The following TEDC1 variants were observed in gnomAD, a reference collection of about 807,000 sequenced individuals.
TEDC1 encodes the protein tubulin epsilon and delta complex 1.
Under a neutral mutation model 59.9 loss-of-function variants are expected in TEDC1, and 54 were observed. The ratio of observed to expected loss-of-function variants is 0.90; its 90% CI spans 0.72 to 1.13. The LOEUF is 1.13. Ranked by LOEUF, TEDC1 falls within the 50% of genes most tolerant of loss-of-function variation. The probability of loss-of-function intolerance (pLI) is 0.00; values close to 1 mark genes in which losing one functional copy is unlikely to be tolerated. For missense variants in TEDC1, 734 were observed against 683.4 expected, an observed-to-expected ratio of 1.07 and a Z score of -0.83; for synonymous variants, 353 against 298.1, an observed-to-expected ratio of 1.18 and a Z score of -1.90.
rs781890565 is a variant in TEDC1, at chr14:105,492,299, CTG to C, written c.424_425del (p.Cys142ProfsTer3). The C allele has an allele frequency of 1.9e-6, 3 of 1,604,358 alleles. No homozygotes were observed. Among genetic ancestry groups the C allele is most frequent in the African/African-American group, 2.7e-5 (2 of 75,010 alleles). On this transcript the variant is annotated frameshift_variant, in exon 3 of 9. Transcript: ENST00000392523. LOFTEE classifies it high-confidence loss of function. ...CGAGTGCCTCTGGGTGACGAGATGA[CTG>C]TGTGCCAGGTGCGTGTGGGTGAGGG... is the stretch of plus-strand genomic sequence containing the variant.
chr14:105,494,531 C>G (rs190500424), intron 5 of TEDC1: 3 of 154,384 alleles, frequency 1.9e-5, no homozygotes, highest in African/African-American at 7.2e-5. Flanking sequence ...TCTAGGCAGG[C>G]CTGCCCCCGG....
In TEDC1 at chr14:105,497,457, C is replaced by A. The variant is rs368327217; in HGVS notation, c.978+14C>A. ...TGGCGGTGGATGGTGAGGAAGCCCG[C>A]GCATCCCTCTCCCGGCATCCCTTCC... On this transcript the variant is annotated intron_variant, in intron 7 of 8. Coordinates refer to ENST00000392523, the MANE Select transcript of TEDC1 (RefSeq NM_001367178.1). The A allele has an allele frequency of 5.2e-6, 8 of 1,542,284 alleles. No homozygotes were observed. In the African/African-American group the frequency reaches 5.5e-5, roughly 11 times the overall value.
chr14:105,496,407 T>C (rs1555440459), intron 6 of TEDC1: 1 of 337,512 alleles, frequency 3.0e-6, no homozygotes, highest in African/African-American at 2.1e-5. Flanking sequence ...GCCTCTGCTC[T>C]GCTCCGCCCC....
chr14:105,496,191 A>C (rs2084342172), intron 6 of TEDC1, 105 bp downstream of exon 6: 5 of 1,096,818 alleles, frequency 4.6e-6, no homozygotes, highest in Non-Finnish European at 3.8e-6. Flanking sequence ...GCCTGCTCCC[A>C]CCCCTGGCCC....
At chr14:105,498,028 T>C in intron 8 of TEDC1, 51 bp downstream of exon 8, 1 of 1,450,374 alleles carries the variant, frequency 6.9e-7, no homozygotes, top group Non-Finnish European at 9.1e-7. Flanking sequence ...CTTCGGGGGA[T>C]GGCTGACCTG....
At chr14:105,491,909 C>T (rs1555439473) in intron 2 of TEDC1, among the ~76,000 whole-genome samples, 198 bp from the exon 3 acceptor site, 1 of 152,252 alleles carries the variant, frequency 6.6e-6, no homozygotes, top group Non-Finnish European at 1.5e-5. Flanking sequence ...CTGGCTTCTG[C>T]TCCTACAAAG....
Position 105,491,685 on chromosome 14 carries a change from G to T in TEDC1, c.211G>T (p.Ala71Ser). ...LSPLPAGNAL[A>S]SLALEVQARL... ...GCCACTCCCTGCGGGCAACGCCTTGGCATCGCTCGCCCTGGGTAAGCCCCG... is the reference window on the plus strand; with the variant it reads ...GCCACTCCCTGCGGGCAACGCCTTGTCATCGCTCGCCCTGGGTAAGCCCCG... The change falls in exon 2 of 9, where the codon GCA (alanine) becomes TCA (serine). Residue 71 changes from alanine (A) to serine (S), a missense_variant. Physicochemically the swap from Ala to Ser is moderately conservative, Grantham distance 99. Coordinates refer to ENST00000392523, the MANE Select transcript of TEDC1 (RefSeq NM_001367178.1). The T allele has an allele frequency of 6.5e-7, 1 of 1,549,058 alleles. No homozygotes were observed. Among genetic ancestry groups the T allele is most frequent in the South Asian group, 1.2e-5 (1 of 84,058 alleles).
intron 2 of TEDC1, among the ~76,000 whole-genome samples, 156 bp from the exon 3 acceptor site, chr14:105,491,951 C>G (rs1555439483): frequency 6.6e-6 from 1 of 152,262 alleles, no homozygotes; most frequent in African/African-American, 2.4e-5. Context: ...CCCCTGGTCT[C>G]CTCATCCTGG....
At chr14:105,491,991 C>T (rs1455850904) in intron 2 of TEDC1, 116 bp from the exon 3 acceptor site, 7 of 1,129,742 alleles carry the variant, frequency 6.2e-6, no homozygotes, top group East Asian at 5.2e-5. Context: ...ACTATCATCT[C>T]TTCTGAACTA....
At chr14:105,495,633 G>T (rs2084326814) in intron 5 of TEDC1, 1 of 502,434 alleles carries the variant, frequency 2.0e-6, no homozygotes, top group Non-Finnish European at 3.5e-6. Context: ...CGGGCGTCCT[G>T]GTCTGCCCTT....
upstream of TEDC1, chr14:105,491,135 C>T: frequency 1.3e-6 from 2 of 1,551,026 alleles, no homozygotes; most frequent in Non-Finnish European, 8.7e-7. Context: ...GGGTACAGGT[C>T]TCGGGAGCGC....
chr14:105,492,771 T>C (rs1254402215), intron 4 of TEDC1, 37 bp downstream of exon 4: 33 of 1,530,868 alleles, frequency 2.2e-5, no homozygotes, highest in Middle Eastern at 1.9e-4. Flanking sequence ...AGGGGCTGTG[T>C]CCCGTGCTGC....
In TEDC1 at chr14:105,497,810, G is replaced by T. The variant is rs782380367; in HGVS notation, c.991G>T (p.Gly331Cys). The T allele has an allele frequency of 6.4e-6, 10 of 1,567,130 alleles. No homozygotes were observed. Among genetic ancestry groups the T allele is most frequent in the East Asian group, 2.3e-5 (1 of 43,092 alleles). Residue 331 changes from glycine (G) to cysteine (C), a missense_variant, in exon 8 of 9, where the codon GGC becomes TGC. Coordinates refer to ENST00000392523, the MANE Select transcript of TEDC1 (RefSeq NM_001367178.1). The part of the protein sequence containing the change: ...VFWRWMDTVL[G>C]TCAPEVPAAA... ...TGGGTCTCTGTAGGACACGGTCCTG[G>T]GCACCTGTGCCCCGGAGGTGCCTGC...
rs2084381725 is a variant in TEDC1 at position 105,497,819 on chromosome 14, G to A, written c.1000G>A (p.Ala334Thr). The A allele has an allele frequency of 6.4e-7, 1 of 1,571,298 alleles. No homozygotes were observed. The highest frequency in any genetic ancestry group is 1.2e-5 in the South Asian group (1 of 85,174). Residue 334 changes from alanine to threonine, a missense_variant, in exon 8 of 9, where the codon GCC becomes ACC. By Grantham distance (58) the Ala-to-Thr change is moderately conservative (BLOSUM62 0). Coordinates refer to ENST00000392523, the MANE Select transcript of TEDC1 (RefSeq NM_001367178.1). ...GTAGGACACGGTCCTGGGCACCTGT[G>A]CCCCGGAGGTGCCTGCTGCAGCCTC... ...RWMDTVLGTC[A>T]PEVPAAASQP... is the part of the protein sequence containing the mutation.
chr14:105,495,002 C>T (rs1334702867), intron 5 of TEDC1: 2 of 152,310 alleles, frequency 1.3e-5, no homozygotes, highest in African/African-American at 2.4e-5. Flanking sequence ...TCCTGAGTAG[C>T]TGGGACTACA....
chr14:105,491,205 G>A, upstream of TEDC1: 6 of 1,546,206 alleles, frequency 3.9e-6, no homozygotes, highest in South Asian at 1.2e-5. Flanking sequence ...AGCCGGCGCG[G>A]TGATTGGGCG....
intron 3 of TEDC1, 47 bp from the exon 4 acceptor site, chr14:105,492,529 TGGG>T: frequency 6.6e-7 from 1 of 1,509,652 alleles, no homozygotes; most frequent in East Asian, 2.5e-5. Flanking sequence ...TGGCCTTTTC[TGGG>T]GGGCAGGGTG....
At position 105,491,792 on chromosome 14, in the gene TEDC1, A is replaced by G. The variant is rs1340718181; in HGVS notation, c.226+92A>G. 54 of 1,317,742 alleles carry G rather than the reference A, an allele frequency of 4.1e-5. No individual in the cohort carries two copies. The African/African-American group carries it at 7.0e-4, about 17-fold the overall frequency. 81.6% of individuals were successfully genotyped at this position (1,317,742 alleles called of 1,614,324 possible). A position where few individuals can be genotyped will look rare whatever the true frequency, so the allele number is the denominator to read the frequency against. On this transcript the variant is annotated intron_variant, in intron 2 of 8. Coordinates refer to ENST00000392523, the MANE Select transcript of TEDC1 (RefSeq NM_001367178.1). ...CTTCCCCAGTAAGCCCCGCCCCGGC[A>G]GGCTCTAGCCCCCACCCAACACTGA... is the stretch of plus-strand genomic sequence containing the variant.
intron 2 of TEDC1, among the ~76,000 whole-genome samples, 184 bp downstream of exon 2, chr14:105,491,884 C>T (rs1016792941): frequency 2.0e-4 from 30 of 152,198 alleles, no homozygotes; most frequent in East Asian, 1.9e-4. Flanking sequence ...CCTAGCTCCA[C>T]CCCCTTGGGT....
Sources: allele counts gnomAD v4.1 joint callset (sites outside exome capture counted in the v4.1 genomes callset), GRCh38; gene constraint gnomAD v4.1.1; transcripts MANE v1.5; gene names NCBI Gene and HGNC (gene_info 2026-07-23, HGNC 2026-07-21).